ANK2: variants seen among roughly 807,000 people sequenced by gnomAD.
ANK2 encodes ankyrin-2.
ANK2 carries 83 observed loss-of-function variants against 360.5 expected under a neutral mutation model. The observed-to-expected ratio is 0.23, with a 90% CI of 0.19 to 0.28. The LOEUF (loss-of-function observed/expected upper bound fraction) is 0.28, where lower values mean the gene tolerates loss of function less well. ANK2 is among the 10% of genes least tolerant of loss of function. The probability of loss-of-function intolerance (pLI) is 1.00; values close to 1 mark genes in which losing one functional copy is unlikely to be tolerated. For missense variants in ANK2, 4,201 were observed against 4,795.7 expected (o/e 0.88, Z 3.66); for synonymous variants, 1,740 against 1,759.5 (o/e 0.99, Z 0.28).
At chr4:113,156,458 C>G (rs899591374) in intron 1 of ANK2, among the ~76,000 whole-genome samples, 2 of 148,376 alleles carry the variant, frequency 1.3e-5, no homozygotes, top group African/African-American at 5.0e-5. Context: ...GCAACCTCCG[C>G]CTCCCGGGCT....
intron 43 of ANK2, chr4:113,372,446 A>G: frequency 2.4e-6 from 2 of 822,462 alleles, no homozygotes; most frequent in East Asian, 2.7e-5. Context: ...TAAAAGTTTC[A>G]CAATACAATG....
At chr4:113,040,856 T>C (rs140216518) in intron 2 of ANK2, among the ~76,000 whole-genome samples, 9 of 152,176 alleles carry the variant, frequency 5.9e-5, no homozygotes, top group African/African-American at 1.9e-4. Context: ...TGGGTCTTGT[T>C]CCCTCCTTTG....
rs760895981 is a variant in ANK2 at position 113,199,062 on chromosome 4, G to A, written c.337G>A (p.Val113Ile). 6 of 1,613,428 alleles carry A rather than the reference G, an allele frequency of 3.7e-6. No homozygotes were observed. The highest frequency in any genetic ancestry group is 4.2e-6 in the Non-Finnish European group (5 of 1,179,670). Reference sequence around the variant, plus strand: ...ATCTTTGGCTGGACAAGCAGAAGTTGTCAAAGTTCTTGTTAAGGAAGGAGC... The same window carrying A: ...ATCTTTGGCTGGACAAGCAGAAGTTATCAAAGTTCTTGTTAAGGAAGGAGC... ...IASLAGQAEV[V>I]KVLVKEGANI... Residue 113 changes from valine (V) to isoleucine (I), a missense_variant, in exon 4 of 46, where the codon GTC becomes ATC. Transcript: ENST00000357077.
At chr4:112,726,305 G>A in the ANK2 span, among the ~76,000 whole-genome samples, 1 of 152,156 alleles carries the variant, frequency 6.6e-6, no homozygotes. Flanking sequence ...AGGCATCCTG[G>A]TATGAATAAA....
intron 1 of ANK2, among the ~76,000 whole-genome samples, chr4:113,124,947 T>C (rs147481274): frequency 5.3e-5 from 8 of 152,170 alleles, no homozygotes; most frequent in Admixed American, 2.0e-4. Flanking sequence ...CCAGGCAGCA[T>C]AGAGAGATCC....
At chr4:112,852,798 C>T (rs2065325167) in intron 1 of ANK2, among the ~76,000 whole-genome samples, 1 of 152,266 alleles carries the variant, frequency 6.6e-6, no homozygotes, top group East Asian at 1.9e-4. Context: ...AAAATGTTCT[C>T]AAGATAACAC....
chr4:112,924,223 T>C (rs965022364), intron 2 of ANK2, among the ~76,000 whole-genome samples: 2 of 151,442 alleles, frequency 1.3e-5, no homozygotes, highest in African/African-American at 4.8e-5. Flanking sequence ...CAAAAATTAG[T>C]TGGGTGTGGT....
intron 1 of ANK2, among the ~76,000 whole-genome samples, chr4:112,842,588 C>T (rs1425399303): frequency 6.6e-6 from 1 of 152,160 alleles, no homozygotes; most frequent in Non-Finnish European, 1.5e-5. Context: ...AAGCCCGTAA[C>T]TTAGATCCCT....
chr4:112,971,399 C>T (rs536849362), intron 2 of ANK2, among the ~76,000 whole-genome samples: 1 of 152,294 alleles, frequency 6.6e-6, no homozygotes, highest in East Asian at 1.9e-4. Context: ...TAAAAGCATA[C>T]CTAGTAATCT....
intron 2 of ANK2, among the ~76,000 whole-genome samples, chr4:112,957,167 C>G (rs1310737376): frequency 2.0e-5 from 3 of 151,136 alleles, no homozygotes; most frequent in Admixed American, 1.3e-4. Context: ...TGCGGCCTTC[C>G]GCAGTGTTTG....
At position 113,242,289 on chromosome 4, in the gene ANK2, C is replaced by T. The variant is rs146324477; in HGVS notation, c.891+80C>T. 1,449 of 1,198,276 alleles carry T rather than the reference C, an allele frequency of 1.2e-3. 12 individuals carry two copies. In the African/African-American group the frequency reaches 0.019, roughly 16 times the overall value. 74.2% of individuals were successfully genotyped at this position (1,198,276 alleles called of 1,614,324 possible). On this transcript the variant is annotated intron_variant, in intron 9 of 45. Transcript: ENST00000357077. Reference sequence around the variant, plus strand: ...TAGAAGGCACCTCAAGACACCAGGTCATTAACATAAGCAATGTGTTTTCAA... The same window carrying T: ...TAGAAGGCACCTCAAGACACCAGGTTATTAACATAAGCAATGTGTTTTCAA...
chr4:113,100,121 G>A (rs1364776862), intron 1 of ANK2, among the ~76,000 whole-genome samples: 2 of 151,988 alleles, frequency 1.3e-5, no homozygotes, highest in African/African-American at 4.8e-5. Context: ...AAATTGATAA[G>A]TTGGGCTTCT....
intron 1 of ANK2, among the ~76,000 whole-genome samples, chr4:113,173,320 C>T (rs987329042): frequency 3.3e-5 from 5 of 152,050 alleles, no homozygotes; most frequent in Admixed American, 1.3e-4. Context: ...TAGCTCTGAC[C>T]GAGTATGCCA....
chr4:113,217,266 C>T (rs1291854612), intron 4 of ANK2: 1 of 152,098 alleles, frequency 6.6e-6, no homozygotes. Context: ...CTGCCAAAAG[C>T]CCAAGTGTTC....
the ANK2 span, among the ~76,000 whole-genome samples, chr4:112,720,252 T>C: frequency 0.035 from 5,342 of 152,294 alleles, 317 homozygotes; most frequent in African/African-American, 0.12. Flanking sequence ...ATCTTTAGTG[T>C]AAACCCCTCT....
chr4:113,244,198 C>A (rs1427001499), intron 9 of ANK2, among the ~76,000 whole-genome samples: 3 of 152,124 alleles, frequency 2.0e-5, no homozygotes, highest in Admixed American at 2.0e-4. Context: ...GGTTTTCTAA[C>A]TGTATACATT....
In ANK2 at chr4:113,367,729, G is replaced by A. The variant is rs1425247026; in HGVS notation, c.11196G>A (p.Glu3732=). 4 of 1,613,822 alleles carry A rather than the reference G, an allele frequency of 2.5e-6. No homozygotes were observed. The highest frequency in any genetic ancestry group is 2.2e-5 in the South Asian group (2 of 91,066). The change falls in exon 42 of 46, where the codon GAG becomes GAA. Residue 3732 remains glutamate (E), a synonymous_variant. Transcript: ENST00000357077. ...TTCAGGATGGCGTCCCCAAAACTGA[G>A]GGGGACAGCTCAGCAACAGCACTCT... is the stretch of plus-strand genomic sequence containing the variant. The part of the protein sequence containing the change: ...STFQDGVPKT[E]GDSSATALFP...
the ANK2 span, among the ~76,000 whole-genome samples, chr4:112,741,366 T>C: frequency 6.6e-6 from 1 of 152,174 alleles, no homozygotes; most frequent in Non-Finnish European, 1.5e-5. Flanking sequence ...ATCCCTTCAG[T>C]TGGCCCTCTT....
At chr4:113,283,470 A>T (rs1305475547) in intron 18 of ANK2, among the ~76,000 whole-genome samples, 1 of 152,124 alleles carries the variant, frequency 6.6e-6, no homozygotes, top group Non-Finnish European at 1.5e-5. Flanking sequence ...TTTTTTTAAT[A>T]AAGCACATCA....
Sources: gnomAD v4.1 joint callset for allele counts (sites outside exome capture counted in the v4.1 genomes callset) on GRCh38, gnomAD v4.1.1 for gene constraint, MANE v1.5 for transcripts, NCBI Gene and HGNC (gene_info 2026-07-23, HGNC 2026-07-21) for gene names.